HOMER1: variants seen among roughly 807,000 people sequenced by gnomAD.
HOMER1 encodes the protein homer scaffold protein 1, also known as homer protein homolog 1.
HOMER1 carries 3 observed loss-of-function variants against 48.9 expected under a neutral mutation model. The ratio of observed to expected loss-of-function variants is 0.06; its 90% CI spans 0.03 to 0.16. The LOEUF is 0.16. Among genes scored for constraint, HOMER1 ranks in the 10% least tolerant of loss-of-function variants. HOMER1 has a pLI of 1.00. For synonymous variants in HOMER1, 134 were observed against 146.4 expected (o/e 0.92, Z 0.61); for missense variants, 247 against 411.4 (o/e 0.60, Z 3.46).
intron 5 of HOMER1, among the ~76,000 whole-genome samples, chr5:79,415,127 C>T (rs1749909287): frequency 6.6e-6 from 1 of 152,062 alleles, no homozygotes; most frequent in Non-Finnish European, 1.5e-5. Flanking sequence ...AATCATGGCT[C>T]ACTGCAGGCT....
intron 5 of HOMER1, among the ~76,000 whole-genome samples, chr5:79,423,686 G>A (rs1395421981): frequency 6.6e-6 from 1 of 152,034 alleles, no homozygotes; most frequent in Non-Finnish European, 1.5e-5. Flanking sequence ...GAAGGCCGTA[G>A]GTGGACATCT....
At chr5:79,417,298 A>G (rs1749970674) in intron 5 of HOMER1, among the ~76,000 whole-genome samples, 1 of 152,136 alleles carries the variant, frequency 6.6e-6, no homozygotes, top group African/African-American at 2.4e-5. Context: ...GCCTGCCACC[A>G]CGTCCGGCTA....
chr5:79,440,019 G>A (rs1433120331), intron 4 of HOMER1, among the ~76,000 whole-genome samples: 4 of 151,972 alleles, frequency 2.6e-5, no homozygotes, highest in Non-Finnish European at 5.9e-5. Flanking sequence ...CAGCTTGGTG[G>A]ACCTCTTATG....
chr5:79,379,198 ATATAT>A (rs1273501959), intron 8 of HOMER1, among the ~76,000 whole-genome samples: 15 of 97,774 alleles, frequency 1.5e-4, no homozygotes, highest in Non-Finnish European at 2.5e-4. Context: ...TATCTATAAT[ATATAT>A]TATATATATT....
At chr5:79,474,645 A>G (rs1392577245) in intron 1 of HOMER1, among the ~76,000 whole-genome samples, 9 of 152,068 alleles carry the variant, frequency 5.9e-5, no homozygotes, top group Admixed American at 2.0e-4. Flanking sequence ...ATTGTTTTCT[A>G]CTCTCATAAT....
At chr5:79,448,792 G>T (rs1750953763) in intron 3 of HOMER1, among the ~76,000 whole-genome samples, 1 of 151,964 alleles carries the variant, frequency 6.6e-6, no homozygotes, top group Non-Finnish European at 1.5e-5. Context: ...GTCAGCTTTG[G>T]ATCAAAACAT....
chr5:79,502,799 TTG>T (rs1233212144), intron 1 of HOMER1, among the ~76,000 whole-genome samples: 2 of 152,124 alleles, frequency 1.3e-5, no homozygotes. Flanking sequence ...TGTAACTTTT[TTG>T]TGTGTGTGTG....
chr5:79,392,978 AG>A (rs1749292806), intron 8 of HOMER1, among the ~76,000 whole-genome samples: 1 of 151,916 alleles, frequency 6.6e-6, no homozygotes, highest in Non-Finnish European at 1.5e-5. Context: ...AGAGAGAGAG[AG>A]AGAGAGAGAA....
At chr5:79,441,592 C>A (rs559403760) in intron 4 of HOMER1, among the ~76,000 whole-genome samples, 1 of 151,908 alleles carries the variant, frequency 6.6e-6, no homozygotes, top group Admixed American at 6.6e-5. Flanking sequence ...GGTCATTATA[C>A]CTAAAGTAAA....
intron 1 of HOMER1, among the ~76,000 whole-genome samples, chr5:79,500,591 A>C (rs192400692): frequency 6.6e-6 from 1 of 152,200 alleles, no homozygotes; most frequent in Admixed American, 6.5e-5. Context: ...AAGACCTTTA[A>C]GATGATTCAC....
chr5:79,435,364 C>T (rs1750546291), intron 5 of HOMER1, among the ~76,000 whole-genome samples: 1 of 152,176 alleles, frequency 6.6e-6, no homozygotes, highest in Non-Finnish European at 1.5e-5. Context: ...CTTAACTAAT[C>T]TGACTGACTA....
rs1749546013 is a variant in HOMER1, at chr5:79,401,947, T to C, written c.636A>G (p.Lys212=). The change falls in exon 6 of 9, where the codon AAA becomes AAG. Residue 212 remains lysine (K), a synonymous_variant. Transcript: ENST00000334082. ...LESTANVKQW[K]QQLAAYQEEA... ...CCTCTTGATAGGCAGCAAGTTGCTG[T>C]TTCCATTGTTTCACATTGGCAGTGG... The C allele has an allele frequency of 6.2e-7, 1 of 1,613,876 alleles. No homozygotes were observed. The highest frequency in any genetic ancestry group is 1.1e-5 in the South Asian group (1 of 91,078).
intron 5 of HOMER1, among the ~76,000 whole-genome samples, chr5:79,411,421 G>A (rs1749811695): frequency 6.6e-6 from 1 of 152,068 alleles, no homozygotes; most frequent in South Asian, 2.1e-4. Context: ...AGAGGTCATG[G>A]CTGCAGTGAG....
intron 1 of HOMER1, among the ~76,000 whole-genome samples, chr5:79,479,844 A>C (rs1751897026): frequency 6.6e-6 from 1 of 152,226 alleles, no homozygotes; most frequent in African/African-American, 2.4e-5. Context: ...AGAATGTTTA[A>C]TAGTGATAGA....
chr5:79,457,134 AAAGT>A (rs773335047), intron 1 of HOMER1, 116 bp from the exon 2 acceptor site: 29 of 935,494 alleles, frequency 3.1e-5, no homozygotes, highest in African/African-American at 6.6e-5. Context: ...CACATACCTG[AAAGT>A]AAGAGAAACT....
chr5:79,478,176 G>T (rs905727920), intron 1 of HOMER1, among the ~76,000 whole-genome samples: 3 of 152,124 alleles, frequency 2.0e-5, no homozygotes, highest in Admixed American at 1.3e-4. Flanking sequence ...GTTCTGTACT[G>T]ATTTCAATAT....
At chr5:79,384,891 A>G (rs556018165) in intron 8 of HOMER1, among the ~76,000 whole-genome samples, 1 of 152,306 alleles carries the variant, frequency 6.6e-6, no homozygotes, top group African/African-American at 2.4e-5. Flanking sequence ...TGAAGGAAAA[A>G]AATATGATCA....
In HOMER1 at chr5:79,477,284, A is replaced by G. The variant is rs145806696; in HGVS notation, c.6-20266T>C. On this transcript the variant is annotated intron_variant, in intron 1 of 8. Transcript: ENST00000334082. ...ATAATCCGGAAACTATTTATTGGACAATTTGCTTTTACTGGGTAAAACACT... is the reference window on the plus strand; with the variant it reads ...ATAATCCGGAAACTATTTATTGGACGATTTGCTTTTACTGGGTAAAACACT... 3.3e-5 allele frequency among the ~76,000 whole-genome samples: 5 copies of G among 152,344 alleles called. No homozygotes were observed. In the East Asian group the frequency reaches 9.6e-4, roughly 29 times the overall value.
chr5:79,490,400 A>G (rs1192166930), intron 1 of HOMER1, among the ~76,000 whole-genome samples: 2 of 152,212 alleles, frequency 1.3e-5, no homozygotes, highest in Non-Finnish European at 2.9e-5. Flanking sequence ...ACCAAATCAG[A>G]TATTTAAATA....
Sources: allele counts gnomAD v4.1 joint callset (sites outside exome capture counted in the v4.1 genomes callset), GRCh38; gene constraint gnomAD v4.1.1; transcripts MANE v1.5; gene names NCBI Gene and HGNC (gene_info 2026-07-23, HGNC 2026-07-21).